The following STK31 variants were observed in gnomAD, a reference collection of about 807,000 sequenced individuals.
STK31 encodes serine/threonine kinase 31, also known as serine/threonine-protein kinase 31.
A neutral mutation model predicts 129.7 loss-of-function variants in STK31; 89 were observed. The ratio of observed to expected loss-of-function variants is 0.69; its 90% CI spans 0.58 to 0.82. The LOEUF is 0.82. STK31 is among the 40% of genes least tolerant of loss of function. The probability of loss-of-function intolerance (pLI) is 0.00; values close to 1 mark genes in which losing one functional copy is unlikely to be tolerated. For missense variants in STK31, 1,187 were observed against 1,176.4 expected (o/e 1.01, Z -0.13); for synonymous variants, 448 against 395.3 (o/e 1.13, Z -1.58).
At position 23,786,871 on chromosome 7, in the gene STK31, T is replaced by C; in HGVS notation, c.2434T>C (p.Tyr812His). ...DPMAYLMVPY[Y>H]PRANLNAVQA... ...TATGGCTTATCTGATGGTCCCATAC[T>C]ACCCTAGGGCAAACCTGAATGCTGT... The change falls in exon 20 of 24, where the codon TAC (tyrosine) becomes CAC (histidine). Residue 812 changes from tyrosine to histidine, a missense_variant. Transcript: ENST00000355870. The C allele has an allele frequency of 1.2e-6, 2 of 1,614,018 alleles. No homozygotes were observed. The highest frequency in any genetic ancestry group is 1.3e-5 in the African/African-American group (1 of 75,038).
chr7:23,721,311 T>G, intron 4 of STK31: 2 of 658,122 alleles, frequency 3.0e-6, no homozygotes, highest in Non-Finnish European at 2.7e-6. Flanking sequence ...TCTAAACTAT[T>G]TGTCTCTAAA....
chr7:23,757,798 C>A (rs1314305059), intron 10 of STK31, among the ~76,000 whole-genome samples: 1 of 151,404 alleles, frequency 6.6e-6, no homozygotes, highest in Non-Finnish European at 1.5e-5. Context: ...TCTTTCCCTT[C>A]CCACGAAGCC....
chr7:23,780,901 G>T (rs367985270), intron 15 of STK31, among the ~76,000 whole-genome samples: 3 of 152,276 alleles, frequency 2.0e-5, no homozygotes, highest in East Asian at 3.9e-4. Context: ...TTCCCAGCTT[G>T]ACTTTTTCCT....
Position 23,710,242 on chromosome 7 carries a change from C to G in STK31, c.-44C>G. 6.3e-7 allele frequency: 1 copy of G among 1,590,666 alleles called. No homozygotes were observed. Among genetic ancestry groups the G allele is most frequent in the Non-Finnish European group, 8.6e-7 (1 of 1,166,944 alleles). On this transcript the variant is annotated 5_prime_UTR_variant, in exon 1 of 24. Transcript: ENST00000355870. The stretch of plus-strand genomic sequence containing the variant: ...TTGCGGTCGAAGCTCACGCGGTAAG[C>G]CGCTGCACGTGTGCTACGGCGGGCG...
At chr7:23,787,881 C>G in intron 20 of STK31, 99 bp from the exon 21 acceptor site, 10 of 1,204,154 alleles carry the variant, frequency 8.3e-6, no homozygotes, top group Non-Finnish European at 1.0e-5. Context: ...TTCGAGGAAA[C>G]TTTACTCACT....
chr7:23,710,541 C>T (rs1676167513), intron 1 of STK31: 1 of 1,426,814 alleles, frequency 7.0e-7, no homozygotes, highest in South Asian at 1.5e-5. Context: ...GAAAAGACCT[C>T]CGGCCTGAAT....
chr7:23,736,839 A>C, intron 7 of STK31, 65 bp from the exon 8 acceptor site: 1 of 1,328,192 alleles, frequency 7.5e-7, no homozygotes. Context: ...AAGATAACTT[A>C]GATTTGTTTT....
chr7:23,751,984 A>T (rs1468698397), intron 8 of STK31, among the ~76,000 whole-genome samples: 1 of 151,896 alleles, frequency 6.6e-6, no homozygotes, highest in Admixed American at 6.6e-5. Flanking sequence ...GGGAGGGGAG[A>T]TAGGGAGTAG....
intron 8 of STK31, among the ~76,000 whole-genome samples, chr7:23,743,402 A>G (rs1788168606): frequency 6.6e-6 from 1 of 152,176 alleles, no homozygotes; most frequent in African/African-American, 2.4e-5. Flanking sequence ...ATGAAAGACA[A>G]CTTTGCTGGA....
intron 15 of STK31, among the ~76,000 whole-genome samples, chr7:23,775,729 G>T (rs1166727142): frequency 1.3e-5 from 2 of 152,144 alleles, no homozygotes. Flanking sequence ...GAGATTTTGG[G>T]CTGAGACGAT....
intron 8 of STK31, among the ~76,000 whole-genome samples, chr7:23,745,050 C>T (rs145044572): frequency 5.9e-5 from 9 of 152,138 alleles, no homozygotes; most frequent in African/African-American, 2.2e-4. Flanking sequence ...CCTGTGCTTT[C>T]CAAGTGGTCT....
At chr7:23,780,019 G>C (rs984919189) in intron 15 of STK31, among the ~76,000 whole-genome samples, 1 of 152,186 alleles carries the variant, frequency 6.6e-6, no homozygotes. Flanking sequence ...TGTTGGAAAA[G>C]CATAGTATCT....
chr7:23,768,058 C>G (rs2128102156), intron 11 of STK31, among the ~76,000 whole-genome samples: 1 of 152,000 alleles, frequency 6.6e-6, no homozygotes, highest in South Asian at 2.1e-4. Flanking sequence ...CCTGCCCCGA[C>G]AAACCCAGCC....
chr7:23,730,878 A>ATATATATATATATAT, intron 6 of STK31, among the ~76,000 whole-genome samples: 6 of 59,542 alleles, frequency 1.0e-4, no homozygotes, highest in Non-Finnish European at 1.6e-4. Context: ...ATATATATAT[A>ATATATATATATATAT]TTTTTTTTTT....
At chr7:23,772,542 A>G (rs1332235763) in intron 15 of STK31, among the ~76,000 whole-genome samples, 1 of 152,172 alleles carries the variant, frequency 6.6e-6, no homozygotes, top group African/African-American at 2.4e-5. Context: ...TGAACATTTT[A>G]GAATAATTTT....
chr7:23,732,326 G>A (rs1045811736), intron 6 of STK31, among the ~76,000 whole-genome samples: 2 of 152,024 alleles, frequency 1.3e-5, no homozygotes, highest in Non-Finnish European at 2.9e-5. Flanking sequence ...TTTTTTAAGT[G>A]CAGGTATATA....
At chr7:23,746,775 C>A (rs780730041) in intron 8 of STK31, among the ~76,000 whole-genome samples, 2 of 151,580 alleles carry the variant, frequency 1.3e-5, no homozygotes, top group Non-Finnish European at 2.9e-5. Flanking sequence ...TCACAGGTGA[C>A]AGAGATGGAA....
chr7:23,793,593 C>T (rs1791772380), intron 22 of STK31, among the ~76,000 whole-genome samples: 1 of 152,144 alleles, frequency 6.6e-6, no homozygotes, highest in Admixed American at 6.6e-5. Context: ...AGGTACTTTA[C>T]CAAAGAAGGT....
At chr7:23,769,608 A>T in intron 12 of STK31, 32 bp from the exon 13 acceptor site, 1 of 1,383,928 alleles carries the variant, frequency 7.2e-7, no homozygotes, top group East Asian at 2.3e-5. Context: ...GAATTAAATG[A>T]GATATTTCAT....
Sources: allele counts gnomAD v4.1 joint callset (sites outside exome capture counted in the v4.1 genomes callset), GRCh38; gene constraint gnomAD v4.1.1; transcripts MANE v1.5; gene names NCBI Gene and HGNC (gene_info 2026-07-23, HGNC 2026-07-21).